Variants in CGN observed in about 807,000 individuals in gnomAD.
The protein encoded by CGN is cingulin.
Under a neutral mutation model 157.1 loss-of-function variants are expected in CGN, and 121 were observed. That is an observed-to-expected ratio of 0.77 (90% confidence interval 0.66 to 0.90). The LOEUF is 0.90. Ranked by LOEUF, CGN falls within the 40% of genes least tolerant of loss-of-function variation. The pLI is 0.00. For synonymous variants in CGN, 535 were observed against 607.5 expected (o/e 0.88, Z 1.76); for missense variants, 1,424 against 1,520.9 (o/e 0.94, Z 1.06).
At chr1:151,533,114 TG>T (rs896046972) in intron 14 of CGN, among the ~76,000 whole-genome samples, 5 of 152,178 alleles carry the variant, frequency 3.3e-5, no homozygotes, top group African/African-American at 1.2e-4. Context: ...TCATCATCTC[TG>T]GGGATGGGAT....
At chr1:151,510,835 C>CA (rs550536649), upstream of CGN, 8 of 152,222 alleles carry the variant, frequency 5.3e-5, no homozygotes, top group African/African-American at 1.4e-4. Flanking sequence ...TGTCAGGCTG[C>CA]AAAATGATTG....
intron 11 of CGN, 112 bp downstream of exon 11, chr1:151,529,671 T>C: frequency 3.0e-6 from 3 of 1,002,518 alleles, no homozygotes; most frequent in Non-Finnish European, 4.4e-6. Flanking sequence ...GACCAGCTCC[T>C]GGGTCCTAGG....
At chr1:151,534,173 G>A (rs754462582) in intron 15 of CGN, 37 bp downstream of exon 15, 13 of 1,536,530 alleles carry the variant, frequency 8.5e-6, no homozygotes, top group Non-Finnish European at 1.1e-5. Flanking sequence ...GAAAAAGGGT[G>A]GGACTTCCAA....
rs1664590177 is a variant in CGN, at chr1:151,523,505, C to G, written c.1212C>G (p.Ser404Arg). ...TGGAGGAGAAAACAGAAGAGTGCAG[C>G]CGACTGCAGGAGCTGCTGGAGAGGA... ...RQLEEKTEEC[S>R]RLQELLERRK... is the part of the protein sequence containing the mutation. Residue 404 changes from serine (S) to arginine (R), a missense_variant, in exon 6 of 21, where the codon AGC (serine) becomes AGG (arginine). By Grantham distance (110) the Ser-to-Arg change is moderately radical (BLOSUM62 -1). Around this residue, in one of 3 missense-constraint regions of CGN, gnomAD observed 1,187 missense variants for 1,217.6 expected, o/e 0.97. Transcript: ENST00000271636. The G allele has an allele frequency of 2.5e-6, 4 of 1,613,208 alleles. No individual in the cohort carries two copies. The highest frequency in any genetic ancestry group is 3.4e-6 in the Non-Finnish European group (4 of 1,179,630).
At position 151,532,462 on chromosome 1, in the gene CGN, G is replaced by T. The variant is rs761148107; in HGVS notation, c.2632G>T (p.Asp878Tyr). Residue 878 changes from aspartate to tyrosine, a missense_variant, in exon 14 of 21, where the codon GAT (aspartate) becomes TAT (tyrosine). By Grantham distance (160) the Asp-to-Tyr change is radical. Coordinates refer to ENST00000271636, the MANE Select transcript of CGN (RefSeq NM_020770.3). ...GCAGCAGCTCCAGGCCCAGCTGGAG[G>T]ATTATAAGGAAAAGGCCCGGCGGGA... ...ALQQLQAQLE[D>Y]YKEKARREVA... 2.5e-6 allele frequency: 4 copies of T among 1,607,782 alleles called. No homozygotes were observed. Among genetic ancestry groups the T allele is most frequent in the Admixed American group, 1.7e-5 (1 of 58,306 alleles).
chr1:151,534,637 C>T, intron 15 of CGN: 1 of 232,856 alleles, frequency 4.3e-6, no homozygotes, highest in South Asian at 5.8e-5. Flanking sequence ...GATTTTCAGA[C>T]TGGACAGTCT....
intron 18 of CGN, 141 bp from the exon 19 acceptor site, chr1:151,536,096 A>C (rs1453584310): frequency 2.8e-5 from 20 of 725,818 alleles, no homozygotes; most frequent in Non-Finnish European, 4.9e-5. Context: ...ACTCTCCCTC[A>C]TTCTTTGAAT....
intron 10 of CGN, among the ~76,000 whole-genome samples, chr1:151,527,674 C>G (rs1295218377): frequency 2.0e-5 from 3 of 151,990 alleles, no homozygotes; most frequent in Non-Finnish European, 2.9e-5. Flanking sequence ...AACCCTTTAG[C>G]CTAATTATGG....
intron 5 of CGN, 54 bp downstream of exon 5, chr1:151,520,745 T>C: frequency 1.4e-6 from 2 of 1,463,602 alleles, no homozygotes; most frequent in Non-Finnish European, 1.9e-6. Flanking sequence ...GAAAAAGCCT[T>C]GGCCTGGAGA....
intron 11 of CGN, 121 bp from the exon 12 acceptor site, chr1:151,529,788 G>A: frequency 2.1e-6 from 2 of 969,960 alleles, no homozygotes; most frequent in Non-Finnish European, 3.1e-6. Context: ...CTCTCTTTAA[G>A]CCTCATTCTT....
In CGN at chr1:151,520,193, G is replaced by C; in HGVS notation, c.901G>C (p.Asp301His). The C allele has an allele frequency of 6.2e-7, 1 of 1,612,738 alleles. No individual in the cohort carries two copies. The highest frequency in any genetic ancestry group is 8.5e-7 in the Non-Finnish European group (1 of 1,179,682). Residue 301 changes from aspartate to histidine, a missense_variant, in exon 3 of 21, where the codon GAC becomes CAC. Coordinates refer to ENST00000271636, the MANE Select transcript of CGN (RefSeq NM_020770.3). ...QFKSTPDLLR[D>H]QQEAAPPGSV... ...CAAATCAACTCCAGACCTCCTTCGA[G>C]ACCAGCAGGAGGCAGCCCCACCAGG...
chr1:151,533,312 C>A (rs1664880220), intron 14 of CGN, among the ~76,000 whole-genome samples: 1 of 151,462 alleles, frequency 6.6e-6, no homozygotes. Flanking sequence ...CTTGTCTTTA[C>A]TAAAAATACA....
At chr1:151,529,135 A>G (rs1253798169) in intron 10 of CGN, among the ~76,000 whole-genome samples, 7 of 152,210 alleles carry the variant, frequency 4.6e-5, no homozygotes, top group South Asian at 4.1e-4. Context: ...TTGTGAACAC[A>G]TATTTTCGGT....
At chr1:151,516,014 T>G (rs571689348) in intron 1 of CGN, among the ~76,000 whole-genome samples, 6 of 152,238 alleles carry the variant, frequency 3.9e-5, no homozygotes, top group Non-Finnish European at 5.9e-5. Flanking sequence ...GCCAAAAAGA[T>G]GAAGAACAAT....
chr1:151,534,156 A>G lies in CGN; in HGVS notation c.2904+20A>G. On this transcript the variant is annotated intron_variant, in intron 15 of 20. Transcript: ENST00000271636. ...CTCGAGGTGAGGGCACTGAGGTGTGACCTGTGGAAAAAGGGTGGGACTTCC... is the reference window on the plus strand; with the variant it reads ...CTCGAGGTGAGGGCACTGAGGTGTGGCCTGTGGAAAAAGGGTGGGACTTCC... 1 of 1,555,248 alleles carries G rather than the reference A, an allele frequency of 6.4e-7. No homozygotes were observed. Among genetic ancestry groups the G allele is most frequent in the Non-Finnish European group, 8.7e-7 (1 of 1,150,228 alleles).
In CGN at chr1:151,535,785, G is replaced by A; in HGVS notation, c.3084G>A (p.Lys1028=). The change falls in exon 18 of 21, where the codon AAG becomes AAA. Residue 1028 remains lysine (K), a synonymous_variant. Coordinates refer to ENST00000271636, the MANE Select transcript of CGN (RefSeq NM_020770.3). ...AGGCTTCCTGTCCCTCTCAGAACAA[G>A]GACCTGAAGACCCGGTTGGCCAGCT... The part of the protein sequence containing the change: ...CDKISLERQN[K]DLKTRLASSE... 1.2e-6 allele frequency: 2 copies of A among 1,614,066 alleles called. No homozygotes were observed. The highest frequency in any genetic ancestry group is 1.7e-6 in the Non-Finnish European group (2 of 1,179,910).
Position 151,537,387 on chromosome 1 carries a change from A to C in CGN, c.*41A>C, listed in dbSNP as rs1186530440. On this transcript the variant is annotated 3_prime_UTR_variant, in exon 21 of 21. Coordinates refer to ENST00000271636, the MANE Select transcript of CGN (RefSeq NM_020770.3). ...GACTCAGAAACCAGGCTCGAGGCCT[A>C]TCCCAGCAAGTGCTGCTCTGCTCTG... is the stretch of plus-strand genomic sequence containing the variant. 6.3e-7 allele frequency: 1 copy of C among 1,593,200 alleles called. No homozygotes were observed. Among genetic ancestry groups the C allele is most frequent in the Non-Finnish European group, 8.6e-7 (1 of 1,166,966 alleles).
At chr1:151,525,545 C>T (rs1456921326) in intron 8 of CGN, 97 bp from the exon 9 acceptor site, 1 of 1,024,508 alleles carries the variant, frequency 9.8e-7, no homozygotes, top group Non-Finnish European at 1.3e-6. Context: ...GCATGGTGCC[C>T]TCTGGGTCTA....
At chr1:151,528,710 C>G (rs959169742) in intron 10 of CGN, among the ~76,000 whole-genome samples, 2 of 152,082 alleles carry the variant, frequency 1.3e-5, no homozygotes, top group South Asian at 4.1e-4. Context: ...CGCCTGGCCC[C>G]CAGTGGTTTT....
Sources: gnomAD v4.1 joint callset for allele counts (sites outside exome capture counted in the v4.1 genomes callset) on GRCh38, gnomAD v4.1.1 for gene constraint, gnomAD v4.1.1 regional missense constraint, MANE v1.5 for transcripts, NCBI Gene and HGNC (gene_info 2026-07-23, HGNC 2026-07-21) for gene names.